ITPR2: variants seen among roughly 807,000 people sequenced by gnomAD.
The protein encoded by ITPR2 is inositol 1,4,5-trisphosphate-gated calcium channel ITPR2.
In ITPR2, 207 loss-of-function variants were observed where a neutral mutation model predicts 317.1. That is an observed-to-expected ratio of 0.65 (90% CI 0.58 to 0.73). The LOEUF is 0.73. Ranked by LOEUF, ITPR2 falls within the 30% of genes least tolerant of loss-of-function variation. The pLI, the probability that ITPR2 is intolerant of heterozygous loss-of-function variation, is 0.00. For missense variants in ITPR2, 2,613 were observed against 3,284.0 expected (o/e 0.80, Z 4.99); for synonymous variants, 1,156 against 1,149.1 (o/e 1.01, Z -0.12).
intron 51 of ITPR2, among the ~76,000 whole-genome samples, chr12:26,414,050 T>TATATACACAC (rs1555121665): frequency 2.9e-5 from 4 of 138,110 alleles, no homozygotes; most frequent in South Asian, 4.6e-4. Flanking sequence ...TGTATATATG[T>TATATACACAC]ACACACACAC....
At chr12:26,472,471 C>T (rs1942314782) in intron 45 of ITPR2, among the ~76,000 whole-genome samples, 1 of 151,576 alleles carries the variant, frequency 6.6e-6, no homozygotes, top group African/African-American at 2.4e-5. Context: ...GCTTTTCCAA[C>T]ATTTTGCTTC....
chr12:26,385,531 C>A lies in ITPR2; in HGVS notation c.7857+1903G>T, dbSNP rs7312757. 7.1e-3 allele frequency among the ~76,000 whole-genome samples: 1,084 copies of A among 152,308 alleles called. 14 individuals are homozygous for A. The highest frequency in any genetic ancestry group is 0.025 in the African/African-American group (1,025 of 41,570). On this transcript the variant is annotated intron_variant, in intron 55 of 56. Transcript: ENST00000381340. ...GCCTTTTTGCCTAGGTCACATTATT[C>A]CCTTAGTTATAACCTTTAGAGGTTT...
chr12:26,566,091 AGAG>A, intron 34 of ITPR2, among the ~76,000 whole-genome samples: 1 of 123,052 alleles, frequency 8.1e-6, no homozygotes, highest in East Asian at 2.8e-4. Context: ...GAGGAGATGG[AGAG>A]GAGAAGGTGA....
intron 32 of ITPR2, among the ~76,000 whole-genome samples, chr12:26,592,805 T>TG (rs1343226905): frequency 6.6e-6 from 1 of 152,234 alleles, no homozygotes; most frequent in Non-Finnish European, 1.5e-5. Flanking sequence ...ATCTCATACG[T>TG]GGCTATTCAT....
chr12:26,813,020 G>A (rs1346702493), intron 1 of ITPR2, among the ~76,000 whole-genome samples: 5 of 152,152 alleles, frequency 3.3e-5, no homozygotes, highest in African/African-American at 1.2e-4. Context: ...AATGGTTGAA[G>A]ATACTGACTT....
chr12:26,370,452 T>C (rs576750881), intron 55 of ITPR2, among the ~76,000 whole-genome samples: 2 of 152,308 alleles, frequency 1.3e-5, no homozygotes, highest in African/African-American at 2.4e-5. Flanking sequence ...GGGAGTGTTT[T>C]AGTTCCACTG....
At chr12:26,533,744 TG>T (rs34427652) in intron 37 of ITPR2, among the ~76,000 whole-genome samples, 1 of 152,140 alleles carries the variant, frequency 6.6e-6, no homozygotes, top group Non-Finnish European at 1.5e-5. Context: ...GAGAAACACC[TG>T]GGACAGTTCC....
At chr12:26,718,632 T>C (rs951140178) in intron 5 of ITPR2, among the ~76,000 whole-genome samples, 3 of 151,704 alleles carry the variant, frequency 2.0e-5, no homozygotes, top group Admixed American at 6.6e-5. Context: ...TTTTTTGAGA[T>C]GGGGTCTCGC....
intron 2 of ITPR2, among the ~76,000 whole-genome samples, chr12:26,775,214 A>G (rs1020086001): frequency 4.6e-5 from 7 of 152,190 alleles, no homozygotes; most frequent in African/African-American, 1.7e-4. Flanking sequence ...ACATGAAATG[A>G]GATTATCACA....
At position 26,715,397 on chromosome 12, in the gene ITPR2, A is replaced by G. The variant is rs199827981; in HGVS notation, c.757T>C (p.Cys253Arg). 18 of 1,613,654 alleles carry G rather than the reference A, an allele frequency of 1.1e-5. No homozygotes were observed. In the Admixed American group the frequency reaches 2.7e-4, roughly 24 times the overall value. The stretch of plus-strand genomic sequence containing the variant: ...TGCTGTTTTTTCTCATATTCATCAC[A>G]AGTCAAAAACTTCTCTTGTTCCGCA... Reference protein sequence around the residue: ...FHAEQEKFLTCDEYEKKQHIF... With the variant: ...FHAEQEKFLTRDEYEKKQHIF... The change falls in exon 8 of 57, where the codon TGT (cysteine) becomes CGT (arginine). Residue 253 changes from cysteine (C) to arginine (R), a missense_variant. Coordinates refer to ENST00000381340, the MANE Select transcript of ITPR2 (RefSeq NM_002223.4).
At chr12:26,535,119 T>A (rs112634104) in intron 37 of ITPR2, among the ~76,000 whole-genome samples, 2,288 of 152,278 alleles carry the variant, frequency 0.015, 34 homozygotes, top group Middle Eastern at 0.024. Flanking sequence ...AACATAAACA[T>A]GTATCAAAAT....
At chr12:26,621,732 C>A (rs1315558250) in intron 25 of ITPR2, among the ~76,000 whole-genome samples, 1 of 151,652 alleles carries the variant, frequency 6.6e-6, no homozygotes, top group African/African-American at 2.4e-5. Flanking sequence ...TGATCAATAC[C>A]CTATTATGTT....
intron 37 of ITPR2, among the ~76,000 whole-genome samples, chr12:26,524,924 CA>C (rs1286760320): frequency 6.6e-6 from 1 of 151,858 alleles, no homozygotes; most frequent in Non-Finnish European, 1.5e-5. Flanking sequence ...TCATGTGACT[CA>C]AAAAATTATT....
In ITPR2 at chr12:26,831,822, A is replaced by T. The variant is rs1951112917; in HGVS notation, c.92+868T>A. On this transcript the variant is annotated intron_variant, in intron 1 of 56. Transcript: ENST00000381340. The surrounding 1 kb of genome is among the most constrained non-coding windows in gnomAD (Gnocchi z 4.9). ...TTATACATAAAATATATAAATATAT[A>T]TTATACATAAAATATATAAATATAT... Among the ~76,000 whole-genome samples, 1 of 142,152 alleles carries T rather than the reference A, an allele frequency of 7.0e-6. No individual in the cohort carries two copies. 93.3% of individuals were successfully genotyped at this position (142,152 alleles called of 152,430 possible). A position where few individuals can be genotyped will look rare whatever the true frequency, so the allele number is the denominator to read the frequency against.
chr12:26,629,124 T>A (rs1157115296), intron 22 of ITPR2, among the ~76,000 whole-genome samples: 1 of 152,160 alleles, frequency 6.6e-6, no homozygotes, highest in African/African-American at 2.4e-5. Context: ...TTCATCTCTA[T>A]CTATACCACC....
chr12:26,829,173 A>G (rs1485037749), intron 1 of ITPR2, among the ~76,000 whole-genome samples: 1 of 152,216 alleles, frequency 6.6e-6, no homozygotes, highest in African/African-American at 2.4e-5. Context: ...GGAAATGTTC[A>G]TTAATAAGAT....
intron 2 of ITPR2, among the ~76,000 whole-genome samples, chr12:26,787,061 GC>G (rs1297453852): frequency 6.6e-6 from 1 of 152,160 alleles, no homozygotes; most frequent in Non-Finnish European, 1.5e-5. Context: ...ATGGCCTAAG[GC>G]AAGAGCCGTA....
chr12:26,552,270 C>T (rs1944544430), intron 36 of ITPR2, among the ~76,000 whole-genome samples: 1 of 152,060 alleles, frequency 6.6e-6, no homozygotes, highest in African/African-American at 2.4e-5. Context: ...CTCATTGCAG[C>T]CTAGACCTCC....
intron 1 of ITPR2, among the ~76,000 whole-genome samples, chr12:26,832,190 C>T (rs1401907012): frequency 2.6e-5 from 4 of 152,112 alleles, no homozygotes; most frequent in South Asian, 2.1e-4. Flanking sequence ...GAGCTCCTCC[C>T]GCAGGACAAC....
Sources: gnomAD v4.1 joint callset for allele counts (sites outside exome capture counted in the v4.1 genomes callset) on GRCh38, gnomAD v4.1.1 for gene constraint, Gnocchi (gnomAD v3.1) non-coding constraint, MANE v1.5 for transcripts, NCBI Gene and HGNC (gene_info 2026-07-23, HGNC 2026-07-21) for gene names.